Variants in DHX57 observed in about 807,000 individuals in gnomAD.
The protein encoded by DHX57 is DExH-box helicase 57, also known as putative ATP-dependent RNA helicase DHX57.
Under a neutral mutation model 156.2 loss-of-function variants are expected in DHX57, and 105 were observed. The observed-to-expected ratio is 0.67, with a 90% CI of 0.57 to 0.79. The LOEUF (loss-of-function observed/expected upper bound fraction) is 0.79, where lower values mean the gene tolerates loss of function less well. Among genes scored for constraint, DHX57 ranks in the 30% least tolerant of loss-of-function variants. DHX57 has a pLI of 0.00. For synonymous variants in DHX57, 704 were observed against 595.6 expected, an observed-to-expected ratio of 1.18 and a Z score of -2.65; for missense variants, 1,847 against 1,661.9, an observed-to-expected ratio of 1.11 and a Z score of -1.94.
chr2:38,800,421 G>A lies in DHX57; in HGVS notation c.4018-1979C>T, dbSNP rs192923088. On this transcript the variant is annotated intron_variant, in intron 23 of 23. Transcript: ENST00000457308. ...AATCTCTGTAGCTTTGGGATATACTGTATGCTTTATGGCATTTTGCTTATG... is the reference window on the plus strand; with the variant it reads ...AATCTCTGTAGCTTTGGGATATACTATATGCTTTATGGCATTTTGCTTATG... Among the ~76,000 whole-genome samples, 7 of 152,194 alleles carry A rather than the reference G, an allele frequency of 4.6e-5. No homozygotes were observed. In the East Asian group the frequency reaches 1.4e-3, roughly 29 times the overall value.
Position 38,825,996 on chromosome 2 carries a change from T to C in DHX57, c.2865A>G (p.Gln955=). ...GGCCTTTCCTTTGTAGAGCATTAGCTTGAGATACAAAGGTGTCCTCTAGAC... is the reference window on the plus strand; with the variant it reads ...GGCCTTTCCTTTGTAGAGCATTAGCCTGAGATACAAAGGTGTCCTCTAGAC... ...MESLEDTFVS[Q]ANALQRKGRA... The change falls in exon 16 of 24, where the codon CAA becomes CAG. Residue 955 remains glutamine (Q), a synonymous_variant. Coordinates refer to ENST00000457308, the MANE Select transcript of DHX57 (RefSeq NM_198963.3). The C allele has an allele frequency of 6.2e-7, 1 of 1,614,216 alleles. No individual in the cohort carries two copies. The highest frequency in any genetic ancestry group is 8.5e-7 in the Non-Finnish European group (1 of 1,180,036).
At chr2:38,856,570 C>A in intron 6 of DHX57, 109 bp from the exon 7 acceptor site, 1 of 1,364,638 alleles carries the variant, frequency 7.3e-7, no homozygotes, top group South Asian at 1.5e-5. Flanking sequence ...GTGGTGCGAT[C>A]ACGGCTCACT....
chr2:38,854,753 GGTTTC>G (rs912875350), intron 8 of DHX57: 3 of 242,162 alleles, frequency 1.2e-5, no homozygotes, highest in Admixed American at 5.1e-5. Context: ...GTAGAGATGG[GGTTTC>G]TCCATGTTGG....
chr2:38,849,071 A>G (rs1672446447), intron 9 of DHX57, among the ~76,000 whole-genome samples: 1 of 152,190 alleles, frequency 6.6e-6, no homozygotes, highest in African/African-American at 2.4e-5. Context: ...ACTTCTTGAT[A>G]TCTATGTGTA....
At chr2:38,824,821 A>G (rs1415532975) in intron 16 of DHX57, among the ~76,000 whole-genome samples, 3 of 151,854 alleles carry the variant, frequency 2.0e-5, no homozygotes, top group African/African-American at 7.3e-5. Context: ...CTAATTTTAT[A>G]TTTTTTTAGT....
At position 38,828,367 on chromosome 2, in the gene DHX57, G is replaced by C; in HGVS notation, c.2612C>G (p.Ser871Cys). ...ATTACTACGTCTGTTGTTGAAAAGAGAATTAGACTGTAGCTGTTCATAAAG... is the reference window on the plus strand; with the variant it reads ...ATTACTACGTCTGTTGTTGAAAAGACAATTAGACTGTAGCTGTTCATAAAG... Reference protein sequence around the residue: ...KMLYEQLQSNSLFNNRRSNRC... With the variant: ...KMLYEQLQSNCLFNNRRSNRC... The change falls in exon 14 of 24, where the codon TCT (serine) becomes TGT (cysteine). Residue 871 changes from serine to cysteine, a missense_variant. Coordinates refer to ENST00000457308, the MANE Select transcript of DHX57 (RefSeq NM_198963.3). The C allele has an allele frequency of 6.2e-7, 1 of 1,613,312 alleles. No homozygotes were observed. The highest frequency in any genetic ancestry group is 2.2e-5 in the East Asian group (1 of 44,824).
intron 11 of DHX57, among the ~76,000 whole-genome samples, chr2:38,846,160 C>G (rs1449609189): frequency 6.6e-6 from 1 of 152,174 alleles, no homozygotes; most frequent in African/African-American, 2.4e-5. Flanking sequence ...GCTACCACAC[C>G]CAGCCAATAA....
At chr2:38,804,785 A>G (rs931258919) in intron 22 of DHX57, among the ~76,000 whole-genome samples, 3 of 151,854 alleles carry the variant, frequency 2.0e-5, no homozygotes, top group Non-Finnish European at 4.4e-5. Flanking sequence ...CTTTCTCTCT[A>G]TCTGCATGAC....
chr2:38,863,571 T>C (rs1232152635), intron 2 of DHX57, 52 bp from the exon 3 acceptor site: 1 of 1,568,464 alleles, frequency 6.4e-7, no homozygotes, highest in Non-Finnish European at 8.6e-7. Context: ...TCAGAACTTT[T>C]ACACTCTCCT....
chr2:38,836,217 C>A (rs1375724875), intron 13 of DHX57, among the ~76,000 whole-genome samples: 1 of 152,084 alleles, frequency 6.6e-6, no homozygotes, highest in East Asian at 1.9e-4. Context: ...CAAAGTCAGA[C>A]AGAAATTACA....
chr2:38,829,784 T>G (rs922865276), intron 13 of DHX57, among the ~76,000 whole-genome samples: 1 of 152,094 alleles, frequency 6.6e-6, no homozygotes, highest in African/African-American at 2.4e-5. Context: ...ACAATTTTAT[T>G]AATAAATAAA....
chr2:38,821,791 A>C (rs1337347400), intron 17 of DHX57, among the ~76,000 whole-genome samples: 2 of 152,212 alleles, frequency 1.3e-5, no homozygotes, highest in African/African-American at 4.8e-5. Context: ...GGGAAAGCTC[A>C]AGTTACTAGA....
chr2:38,808,112 A>C (rs1450748603), intron 21 of DHX57, among the ~76,000 whole-genome samples: 3 of 149,586 alleles, frequency 2.0e-5, no homozygotes, highest in East Asian at 2.0e-4. Flanking sequence ...ACGCCACCAC[A>C]CTCAGCTAAT....
intron 19 of DHX57, chr2:38,815,969 G>A (rs1670525902): frequency 1.3e-5 from 5 of 399,954 alleles, no homozygotes; most frequent in South Asian, 4.4e-5. Context: ...GATTTTCCAC[G>A]AAATTCTTAG....
At chr2:38,839,684 G>A (rs1311642787) in intron 12 of DHX57, among the ~76,000 whole-genome samples, 1 of 150,672 alleles carries the variant, frequency 6.6e-6, no homozygotes, top group Non-Finnish European at 1.5e-5. Context: ...TCGCGCTACT[G>A]CACTCCTGCT....
chr2:38,862,277 C>A lies in DHX57; in HGVS notation c.440G>T (p.Arg147Leu). The A allele has an allele frequency of 2.5e-6, 4 of 1,611,542 alleles. 1 individual carries two copies. The South Asian group carries it at 3.3e-5, about 13-fold the overall frequency. ...AGGTTCCTGTCCAGCTGGCCAGTAC[C>A]GCTCATCGTTACAGCAATCAGGCTC... ...DDEPDCCNDERYWPAGQEPSL... is the reference protein window; with the variant it reads ...DDEPDCCNDELYWPAGQEPSL... The change falls in exon 4 of 24, where the codon CGG becomes CTG. Residue 147 changes from arginine to leucine, a missense_variant. By Grantham distance (102) the Arg-to-Leu change is moderately radical. Transcript: ENST00000457308.
At chr2:38,844,346 T>TTAATTTTTAA (rs879731752) in intron 11 of DHX57, among the ~76,000 whole-genome samples, 6 of 25,198 alleles carry the variant, frequency 2.4e-4, no homozygotes, top group African/African-American at 2.6e-4. Context: ...AAAGAAATGA[T>TTAATTTTTAA]TAGGCCGGGC....
intron 13 of DHX57, among the ~76,000 whole-genome samples, chr2:38,831,320 TTC>T (rs1224278983): frequency 9.5e-6 from 1 of 105,072 alleles, no homozygotes; most frequent in African/African-American, 3.0e-5. Flanking sequence ...CTTTCTTTAT[TTC>T]TTTTTTTTTT....
At chr2:38,856,764 G>T in intron 6 of DHX57, 1 of 202,812 alleles carries the variant, frequency 4.9e-6, no homozygotes. Context: ...GTCTCCCAAA[G>T]TGCTGGGATT....
Sources: allele counts gnomAD v4.1 joint callset (sites outside exome capture counted in the v4.1 genomes callset), GRCh38; gene constraint gnomAD v4.1.1; transcripts MANE v1.5; gene names NCBI Gene and HGNC (gene_info 2026-07-23, HGNC 2026-07-21).